INPP4B: variants seen among roughly 807,000 people sequenced by gnomAD.
The protein encoded by INPP4B is inositol polyphosphate-4-phosphatase type II B.
A neutral mutation model predicts 122.5 loss-of-function variants in INPP4B; 55 were observed. The ratio of observed to expected loss-of-function variants is 0.45; its 90% CI spans 0.36 to 0.56. The LOEUF is 0.56. INPP4B is among the 20% of genes least tolerant of loss of function. INPP4B has a pLI of 0.00. For missense variants in INPP4B, 1,000 were observed against 1,097.7 expected (o/e 0.91, Z 1.26); for synonymous variants, 403 against 388.7 (o/e 1.04, Z -0.43).
At chr4:142,384,957 T>C in intron 7 of INPP4B, among the ~76,000 whole-genome samples, 1 of 152,224 alleles carries the variant, frequency 6.6e-6, no homozygotes. Context: ...GCTGCATGGC[T>C]GCATAATATT....
At chr4:142,783,968 A>G (rs1775322778) in intron 1 of INPP4B, among the ~76,000 whole-genome samples, 1 of 152,156 alleles carries the variant, frequency 6.6e-6, no homozygotes, top group African/African-American at 2.4e-5. Context: ...TTTTCAATCT[A>G]AAAAAATGCC....
chr4:142,831,257 T>G lies in INPP4B; in HGVS notation c.-254+14952A>C, dbSNP rs555353663. 4.0e-4 allele frequency among the ~76,000 whole-genome samples: 61 copies of G among 152,316 alleles called. No individual in the cohort carries two copies. The South Asian group carries it at 0.011, about 28-fold the overall frequency. On this transcript the variant is annotated intron_variant, in intron 1 of 25. Transcript: ENST00000262992. ...CTCAATACTGCCATGTAGATAGTTATTCCACCAGATCTAAGTCACAGTTGC... is the reference window on the plus strand; with the variant it reads ...CTCAATACTGCCATGTAGATAGTTAGTCCACCAGATCTAAGTCACAGTTGC...
At chr4:142,200,163 G>A (rs756531222) in intron 14 of INPP4B, among the ~76,000 whole-genome samples, 6 of 151,472 alleles carry the variant, frequency 4.0e-5, no homozygotes, top group Non-Finnish European at 7.4e-5. Context: ...TTTTCATTTC[G>A]TTAATGACTC....
intron 5 of INPP4B, among the ~76,000 whole-genome samples, chr4:142,409,693 T>C (rs1804206130): frequency 6.6e-6 from 1 of 152,180 alleles, no homozygotes. Context: ...GAAGGCCCAC[T>C]GTGTCCTTGA....
chr4:142,101,256 A>G (rs1032998579), intron 23 of INPP4B, among the ~76,000 whole-genome samples: 5 of 152,142 alleles, frequency 3.3e-5, no homozygotes, highest in Non-Finnish European at 7.4e-5. Context: ...AAATAAGCAG[A>G]AAGTGGATTG....
At chr4:142,164,859 A>G (rs1186502966) in intron 16 of INPP4B, among the ~76,000 whole-genome samples, 5 of 151,638 alleles carry the variant, frequency 3.3e-5, no homozygotes, top group Non-Finnish European at 5.9e-5. Context: ...CAGCTTCCCA[A>G]AGTGCTAGGA....
intron 11 of INPP4B, among the ~76,000 whole-genome samples, chr4:142,255,576 T>A (rs1735409852): frequency 6.6e-6 from 1 of 152,054 alleles, no homozygotes; most frequent in Admixed American, 6.6e-5. Flanking sequence ...AAAACAGACT[T>A]TAAACCAACA....
At position 142,824,925 on chromosome 4, in the gene INPP4B, TGAG is replaced by T. The variant is rs554812084; in HGVS notation, c.-254+21281_-254+21283del. 2.6e-5 allele frequency among the ~76,000 whole-genome samples: 4 copies of T among 152,256 alleles called. No homozygotes were observed. In the East Asian group the frequency reaches 7.7e-4, roughly 29 times the overall value. On this transcript the variant is annotated intron_variant, in intron 1 of 25. Transcript: ENST00000262992. The stretch of plus-strand genomic sequence containing the variant: ...GCAAATACTTTCATTGACAAAGTGT[TGAG>T]GACTTTTTTTTAAGTTTTTTTCACT...
At chr4:142,491,424 CAGGTGAATCATCTG>C (rs1821854557) in intron 2 of INPP4B, among the ~76,000 whole-genome samples, 1 of 152,162 alleles carries the variant, frequency 6.6e-6, no homozygotes, top group South Asian at 2.1e-4. Flanking sequence ...GAGGCCAAGG[CAGGTGAATCATCTG>C]AGGTCAGGAG....
At chr4:142,508,090 C>A (rs1053600194) in intron 2 of INPP4B, among the ~76,000 whole-genome samples, 1 of 152,038 alleles carries the variant, frequency 6.6e-6, no homozygotes, top group Non-Finnish European at 1.5e-5. Flanking sequence ...GTTTTACAAC[C>A]AAGGAACATC....
chr4:142,521,211 C>G (rs1393821613), intron 2 of INPP4B, among the ~76,000 whole-genome samples: 1 of 151,826 alleles, frequency 6.6e-6, no homozygotes, highest in Non-Finnish European at 1.5e-5. Context: ...TGATGTATAA[C>G]AGCATTTCCC....
At chr4:142,195,613 T>G (rs1231573183) in intron 14 of INPP4B, among the ~76,000 whole-genome samples, 1 of 152,140 alleles carries the variant, frequency 6.6e-6, no homozygotes, top group Admixed American at 6.6e-5. Flanking sequence ...AGTAAAGCTG[T>G]TTTTTAAAAA....
intron 1 of INPP4B, among the ~76,000 whole-genome samples, chr4:142,767,188 T>C (rs1316768631): frequency 6.6e-6 from 1 of 152,190 alleles, no homozygotes; most frequent in Non-Finnish European, 1.5e-5. Context: ...TAATGTTTGC[T>C]CTGTCACTCT....
intron 2 of INPP4B, among the ~76,000 whole-genome samples, chr4:142,713,461 A>T (rs1368325633): frequency 6.6e-6 from 1 of 152,226 alleles, no homozygotes. Context: ...TGAGAGAGTA[A>T]GCGAAAGATT....
chr4:142,690,265 T>C (rs1167759139), intron 2 of INPP4B, among the ~76,000 whole-genome samples: 1 of 152,198 alleles, frequency 6.6e-6, no homozygotes, highest in Non-Finnish European at 1.5e-5. Context: ...TGCAGGTAGA[T>C]AAAGGAACAT....
At chr4:142,591,252 T>C (rs571362246) in intron 2 of INPP4B, among the ~76,000 whole-genome samples, 7 of 151,928 alleles carry the variant, frequency 4.6e-5, no homozygotes, top group East Asian at 3.9e-4. Context: ...GCCACCGCAC[T>C]CCAGCCTGAG....
chr4:142,209,066 T>A (rs1994217), intron 12 of INPP4B, 40 bp from the exon 13 acceptor site: 992,117 of 1,501,126 alleles, frequency 0.66, 340,652 homozygotes, highest in Non-Finnish European at 0.7. Flanking sequence ...TATTTTTATC[T>A]TAAATCCATA....
chr4:142,383,694 AT>A (rs1157353578), intron 7 of INPP4B: 1 of 173,208 alleles, frequency 5.8e-6, no homozygotes, highest in African/African-American at 2.4e-5. Context: ...AGAAAAAAAA[AT>A]CTATTGTTTT....
chr4:142,498,133 A>ATATG (rs1822860909), intron 2 of INPP4B, among the ~76,000 whole-genome samples: 1 of 151,202 alleles, frequency 6.6e-6, no homozygotes, highest in Non-Finnish European at 1.5e-5. Context: ...ACACACACAT[A>ATATG]TATGTATACA....
Sources: gnomAD v4.1 joint callset for allele counts (sites outside exome capture counted in the v4.1 genomes callset) on GRCh38, gnomAD v4.1.1 for gene constraint, MANE v1.5 for transcripts, NCBI Gene and HGNC (gene_info 2026-07-23, HGNC 2026-07-21) for gene names.